The following FNTA variants were observed in gnomAD, a reference collection of about 807,000 sequenced individuals.
FNTA encodes the protein protein farnesyltransferase/geranylgeranyltransferase type-1 subunit alpha.
A neutral mutation model predicts 55.2 loss-of-function variants in FNTA; 27 were observed. The observed-to-expected ratio is 0.49, with a 90% CI of 0.36 to 0.67. FNTA has a LOEUF of 0.67. Among genes scored for constraint, FNTA ranks in the 30% least tolerant of loss-of-function variants. The pLI is 0.00. For missense variants in FNTA, 422 were observed against 464.7 expected (o/e 0.91, Z 0.85); for synonymous variants, 176 against 170.7 (o/e 1.03, Z -0.24).
chr8:43,059,201 A>C, intron 2 of FNTA, 24 bp downstream of exon 2: 6 of 1,526,780 alleles, frequency 3.9e-6, no homozygotes, highest in Non-Finnish European at 5.4e-6. Context: ...TATTAGGAAA[A>C]GGTCTGTAAG....
intron 3 of FNTA, among the ~76,000 whole-genome samples, chr8:43,065,887 C>T (rs894683397): frequency 1.3e-5 from 2 of 151,506 alleles, no homozygotes; most frequent in Admixed American, 1.3e-4. Context: ...CTCCCTTCAA[C>T]TTTAGTAATA....
intron 6 of FNTA, 124 bp downstream of exon 6, chr8:43,077,488 G>C: frequency 1.7e-6 from 1 of 594,648 alleles, no homozygotes; most frequent in Admixed American, 3.0e-5. Flanking sequence ...ACAGAGTACT[G>C]AGTGGAACAT....
intron 5 of FNTA, among the ~76,000 whole-genome samples, chr8:43,072,971 CTT>C (rs1312209688): frequency 6.6e-6 from 1 of 151,988 alleles, no homozygotes; most frequent in African/African-American, 2.4e-5. Context: ...TTTACAGTAA[CTT>C]AAGTTTTTTA....
In FNTA at chr8:43,062,173, A is replaced by ATGTGTGTC. The variant is rs1491306990; in HGVS notation, c.287-1921_287-1920insCTGTGTGT. On this transcript the variant is annotated intron_variant, in intron 2 of 8. Transcript: ENST00000302279. Reference sequence around the variant, plus strand: ...ATCAATGTGCATATGTGTATGTTTTATGTGTGTGTGTGTGTGTGTGTGTGT... The same window carrying ATGTGTGTC: ...ATCAATGTGCATATGTGTATGTTTTATGTGTGTCTGTGTGTGTGTGTGTGTGTGTGTGT... Among the ~76,000 whole-genome samples the ATGTGTGTC allele has an allele frequency of 7.2e-4, 108 of 149,018 alleles. 1 individual carries two copies. In the South Asian group the frequency reaches 0.011, roughly 15 times the overall value.
At chr8:43,065,080 C>T (rs1810623100) in intron 3 of FNTA, among the ~76,000 whole-genome samples, 1 of 151,920 alleles carries the variant, frequency 6.6e-6, no homozygotes, top group African/African-American at 2.4e-5. Flanking sequence ...GTGATCCGCC[C>T]ACCTCAGCCT....
chr8:43,071,007 C>T (rs1810775891), intron 4 of FNTA, among the ~76,000 whole-genome samples: 1 of 152,130 alleles, frequency 6.6e-6, no homozygotes, highest in Admixed American at 6.5e-5. Context: ...TCTGTCTAGG[C>T]TTTTGTTTTT....
chr8:43,067,813 G>T (rs961041342), intron 3 of FNTA, among the ~76,000 whole-genome samples: 1 of 152,032 alleles, frequency 6.6e-6, no homozygotes. Flanking sequence ...TCCGTCACCG[G>T]GGTTCAAGTG....
At chr8:43,076,954 A>G (rs1810925908) in intron 5 of FNTA, 1 of 301,350 alleles carries the variant, frequency 3.3e-6, no homozygotes. Context: ...TTCTCTTACT[A>G]GTGAGTTTGG....
chr8:43,064,619 A>AT (rs1162397044), intron 3 of FNTA, among the ~76,000 whole-genome samples: 3 of 150,736 alleles, frequency 2.0e-5, no homozygotes, highest in Admixed American at 6.6e-5. Flanking sequence ...CTGGCCTTTA[A>AT]TTTTTATCAA....
At chr8:43,078,964 T>G (rs1193415828) in intron 6 of FNTA, 1 of 152,352 alleles carries the variant, frequency 6.6e-6, no homozygotes, top group Non-Finnish European at 1.5e-5. Context: ...AGCCACAACA[T>G]TCCCTTAAGC....
intron 6 of FNTA, chr8:43,079,256 C>G (rs543168548): frequency 1.2e-4 from 24 of 192,552 alleles, no homozygotes; most frequent in Non-Finnish European, 2.2e-4. Context: ...GAAGAAGATG[C>G]CATCTAAGAC....
chr8:43,072,871 AAG>A (rs1369034727), intron 5 of FNTA, among the ~76,000 whole-genome samples: 1 of 152,222 alleles, frequency 6.6e-6, no homozygotes, highest in Non-Finnish European at 1.5e-5. Flanking sequence ...ATTGAGTATA[AAG>A]AGTAGCATAT....
At position 43,077,597 on chromosome 8, in the gene FNTA, T is replaced by C. The variant is rs76428650; in HGVS notation, c.782+233T>C. 1,806 of 325,456 alleles carry C rather than the reference T, an allele frequency of 5.5e-3. 63 individuals carry two copies. The highest frequency in any genetic ancestry group is 0.055 in the East Asian group (1,160 of 21,194). The allele number at this position is 325,456 out of a possible 1,614,324, so 20.2% of individuals were successfully genotyped here. On this transcript the variant is annotated intron_variant, in intron 6 of 8. Coordinates refer to ENST00000302279, the MANE Select transcript of FNTA (RefSeq NM_002027.3). ...TGGAGATTGGAAAGAAATCTTAATG[T>C]TATGGGGTATTGTCTAAGAAGCTTT...
intron 3 of FNTA, among the ~76,000 whole-genome samples, chr8:43,065,773 A>G (rs564102724): frequency 9.9e-5 from 15 of 151,484 alleles, no homozygotes; most frequent in Non-Finnish European, 1.8e-4. Flanking sequence ...CCTAGATCGT[A>G]TACCTTTCTC....
At chr8:43,075,028 C>T (rs1355552328) in intron 5 of FNTA, among the ~76,000 whole-genome samples, 3 of 152,078 alleles carry the variant, frequency 2.0e-5, no homozygotes, top group Non-Finnish European at 4.4e-5. Flanking sequence ...TTTGGGGAAT[C>T]TAAGTGAAGG....
At position 43,056,335 on chromosome 8, in the gene FNTA, G is replaced by T. The variant is rs1450756516; in HGVS notation, c.-12G>T. 2.1e-6 allele frequency: 3 copies of T among 1,408,308 alleles called. No individual in the cohort carries two copies. Among genetic ancestry groups the T allele is most frequent in the African/African-American group, 3.0e-5 (2 of 66,376 alleles). 87.2% of individuals were successfully genotyped at this position (1,408,308 alleles called of 1,614,324 possible). ...GGCCTCCGCCACCACCTCAGCTGCG[G>T]ACCGAGGCGAGATGGCGGCCACCGA... On this transcript the variant is annotated 5_prime_UTR_variant, in exon 1 of 9. Transcript: ENST00000302279.
At chr8:43,084,938 A>G (rs1392128989) in intron 8 of FNTA, 57 bp downstream of exon 8, 9 of 1,469,328 alleles carry the variant, frequency 6.1e-6, no homozygotes, top group East Asian at 2.3e-5. Context: ...GATCTGCCCA[A>G]TACCACTAAT....
chr8:43,072,084 T>C (rs1202252596), intron 4 of FNTA, 97 bp from the exon 5 acceptor site: 3 of 921,902 alleles, frequency 3.3e-6, no homozygotes, highest in Admixed American at 6.2e-5. Context: ...TTTTGTTTAT[T>C]GTGTGTCCTT....
At chr8:43,072,448 A>G (rs1586658321) in intron 5 of FNTA, 141 bp downstream of exon 5, 1 of 486,958 alleles carries the variant, frequency 2.1e-6, no homozygotes, top group Non-Finnish European at 3.2e-6. Context: ...ATTATTGGCC[A>G]TGTGTGGTGG....
Sources: allele counts gnomAD v4.1 joint callset (sites outside exome capture counted in the v4.1 genomes callset), GRCh38; gene constraint gnomAD v4.1.1; transcripts MANE v1.5; gene names NCBI Gene and HGNC (gene_info 2026-07-23, HGNC 2026-07-21).